The following NSUN2 variants were observed in gnomAD, a reference collection of about 807,000 sequenced individuals.
NSUN2 encodes the protein RNA cytosine C(5)-methyltransferase NSUN2.
A neutral mutation model predicts 92.7 loss-of-function variants in NSUN2; 63 were observed. The observed-to-expected ratio is 0.68, with a 90% CI of 0.56 to 0.84. The LOEUF is 0.84. NSUN2 is among the 40% of genes least tolerant of loss of function. The pLI, the probability that NSUN2 is intolerant of heterozygous loss-of-function variation, is 0.00. For synonymous variants in NSUN2, 356 were observed against 348.3 expected (o/e 1.02, Z -0.25); for missense variants, 989 against 964.9 (o/e 1.02, Z -0.33).
intron 3 of NSUN2, among the ~76,000 whole-genome samples, chr5:6,626,287 T>C (rs561245646): frequency 6.6e-6 from 1 of 152,132 alleles, no homozygotes; most frequent in Non-Finnish European, 1.5e-5. Flanking sequence ...TGTGAATATA[T>C]TTGAACTTTC....
chr5:6,601,636 G>A (rs1033626278), intron 18 of NSUN2, among the ~76,000 whole-genome samples: 9 of 151,822 alleles, frequency 5.9e-5, no homozygotes, highest in Admixed American at 3.3e-4. Context: ...GGCCCGCCCC[G>A]ACCCCCAGCT....
At chr5:6,616,176 C>T (rs1737203496) in intron 9 of NSUN2, among the ~76,000 whole-genome samples, 1 of 152,178 alleles carries the variant, frequency 6.6e-6, no homozygotes, top group Non-Finnish European at 1.5e-5. Flanking sequence ...GAATCGTAAC[C>T]AGGATCTTGG....
chr5:6,607,990 TA>T (rs1579358936), intron 12 of NSUN2, among the ~76,000 whole-genome samples: 3 of 147,304 alleles, frequency 2.0e-5, no homozygotes, highest in Admixed American at 2.0e-4. Context: ...ATGTCCTTTT[TA>T]ACATTTTAAC....
chr5:6,630,452 T>C (rs1737832099), intron 3 of NSUN2, among the ~76,000 whole-genome samples: 1 of 152,124 alleles, frequency 6.6e-6, no homozygotes, highest in African/African-American at 2.4e-5. Flanking sequence ...ATTACAGGCG[T>C]GTGCCACCAT....
rs370366934 is a variant in NSUN2, at chr5:6,632,004, CTG to C, written c.255-29_255-28del. ...TATTGAAAAATAAGGAAGTTTCAAA[CTG>C]ATCTAAAAAACTAAGTTAATACATT... On this transcript the variant is annotated intron_variant, in intron 2 of 18. Transcript: ENST00000264670. 78 of 1,550,798 alleles carry C rather than the reference CTG, an allele frequency of 5.0e-5. 1 individual carries two copies. The African/African-American group carries it at 9.6e-4, about 19-fold the overall frequency.
At chr5:6,619,542 A>G (rs972160101) in intron 7 of NSUN2, among the ~76,000 whole-genome samples, 1 of 152,204 alleles carries the variant, frequency 6.6e-6, no homozygotes, top group Non-Finnish European at 1.5e-5. Flanking sequence ...CAGTTATACC[A>G]TGAGTATTAT....
In NSUN2 at chr5:6,599,894, AGGGGTGTGG is replaced by A; in HGVS notation, c.*23_*31del. ...CCAGAAGAAGCCAGTTTTGCGTGTG[AGGGGTGTGG>A]GCCCCCGCTGCCTTGGGCCTGCTCA... On this transcript the variant is annotated 3_prime_UTR_variant, in exon 19 of 19. Coordinates refer to ENST00000264670, the MANE Select transcript of NSUN2 (RefSeq NM_017755.6). 1 of 1,595,990 alleles carries A rather than the reference AGGGGTGTGG, an allele frequency of 6.3e-7. No individual in the cohort carries two copies. Among genetic ancestry groups the A allele is most frequent in the Non-Finnish European group, 8.5e-7 (1 of 1,170,238 alleles).
At chr5:6,621,057 G>C (rs943222843) in intron 6 of NSUN2, 10 of 152,164 alleles carry the variant, frequency 6.6e-5, no homozygotes, top group African/African-American at 2.4e-4. Context: ...TAACAAATAT[G>C]CCTATTAAAA....
chr5:6,611,009 G>A lies in NSUN2; in HGVS notation c.1172C>T (p.Thr391Ile), dbSNP rs755049994. ...TTCTGGGTCCTTCGGAGGGAACATG[G>A]TAGGTCGGATCTGGGTGTGTCTGCT... ...PHSRHTQIRP[T>I]MFPPKDPEKL... Residue 391 changes from threonine (T) to isoleucine (I), a missense_variant, in exon 11 of 19, where the codon ACC (threonine) becomes ATC (isoleucine). This residue lies in a region of NSUN2 where 626 missense variants were observed against 602.3 expected (regional missense o/e 1.04). Transcript: ENST00000264670. 16 of 1,614,088 alleles carry A rather than the reference G, an allele frequency of 9.9e-6. No homozygotes were observed. Among genetic ancestry groups the A allele is most frequent in the South Asian group, 4.4e-5 (4 of 91,090 alleles).
Position 6,625,675 on chromosome 5 carries a change from C to G in NSUN2, c.360-6G>C. The G allele has an allele frequency of 6.2e-7, 1 of 1,604,706 alleles. No individual in the cohort carries two copies. Among genetic ancestry groups the G allele is most frequent in the Non-Finnish European group, 8.5e-7 (1 of 1,171,708 alleles). On this transcript the variant is annotated splice_polypyrimidine_tract_variant and splice_region_variant and intron_variant, in intron 3 of 18. Transcript: ENST00000264670. ...AGGCAAGTTCTTCAGGATACCTGAC[C>G]AAAAAGAAAGCAAAACATTTATGGA...
At chr5:6,629,380 C>T (rs1737777087) in intron 3 of NSUN2, among the ~76,000 whole-genome samples, 1 of 152,202 alleles carries the variant, frequency 6.6e-6, no homozygotes, top group Non-Finnish European at 1.5e-5. Flanking sequence ...TTATTGACAT[C>T]GTATGGTTTC....
At chr5:6,610,811 C>T in intron 11 of NSUN2, 144 bp downstream of exon 11, 3 of 897,538 alleles carry the variant, frequency 3.3e-6, no homozygotes, top group South Asian at 1.8e-5. Flanking sequence ...GAAGTTCACA[C>T]ACATGGGGTT....
At chr5:6,614,540 G>C (rs6555405) in intron 9 of NSUN2, among the ~76,000 whole-genome samples, 89,701 of 151,478 alleles carry the variant, frequency 0.59, 27,050 homozygotes, top group Non-Finnish European at 0.66. Flanking sequence ...GAGAATGATG[G>C]TTCCCCACTG....
At chr5:6,618,453 T>C (rs1295590410) in intron 7 of NSUN2, among the ~76,000 whole-genome samples, 1 of 152,216 alleles carries the variant, frequency 6.6e-6, no homozygotes, top group Non-Finnish European at 1.5e-5. Flanking sequence ...ATATATTAGC[T>C]AAATTTTTCC....
chr5:6,631,242 C>T (rs1737877664), intron 3 of NSUN2, among the ~76,000 whole-genome samples: 1 of 152,222 alleles, frequency 6.6e-6, no homozygotes, highest in Admixed American at 6.5e-5. Context: ...GTTCTCCAAG[C>T]ATCTTTACAA....
At chr5:6,630,780 A>C (rs2126511497) in intron 3 of NSUN2, among the ~76,000 whole-genome samples, 1 of 152,332 alleles carries the variant, frequency 6.6e-6, no homozygotes, top group Non-Finnish European at 1.5e-5. Context: ...GGAATAGTCA[A>C]AACCTCAAAA....
At position 6,605,352 on chromosome 5, in the gene NSUN2, G is replaced by A. The variant is rs143790518; in HGVS notation, c.1658C>T (p.Thr553Ile). 1.2e-6 allele frequency: 2 copies of A among 1,614,144 alleles called. No individual in the cohort carries two copies. Among genetic ancestry groups the A allele is most frequent in the Non-Finnish European group, 1.7e-6 (2 of 1,180,002 alleles). Residue 553 changes from threonine (T) to isoleucine (I), a missense_variant, in exon 15 of 19, where the codon ACA becomes ATA. Physicochemically the swap from Thr to Ile is moderately conservative, Grantham distance 89. This residue lies in a region of NSUN2 where 626 missense variants were observed against 602.3 expected (regional missense o/e 1.04). Coordinates refer to ENST00000264670, the MANE Select transcript of NSUN2 (RefSeq NM_017755.6). The stretch of plus-strand genomic sequence containing the variant: ...GTAGAGCTGCCTTTTCTTCCCTTCT[G>A]TAGTCCGAGTTAACAAATTCATCCT... Reference protein sequence around the residue: ...FPRMNLLTRTTEGKKRQLYMV... With the variant: ...FPRMNLLTRTIEGKKRQLYMV...
intron 9 of NSUN2, among the ~76,000 whole-genome samples, chr5:6,615,015 G>C (rs1281111458): frequency 6.6e-6 from 1 of 152,040 alleles, no homozygotes; most frequent in Non-Finnish European, 1.5e-5. Flanking sequence ...ACAGACTTAG[G>C]AGAGTAGCAA....
intron 3 of NSUN2, among the ~76,000 whole-genome samples, chr5:6,629,886 T>C (rs1737805068): frequency 6.6e-6 from 1 of 152,190 alleles, no homozygotes; most frequent in Non-Finnish European, 1.5e-5. Flanking sequence ...TGCAGAGAGA[T>C]CTTCCGCCAT....
Sources: allele counts gnomAD v4.1 joint callset (sites outside exome capture counted in the v4.1 genomes callset), GRCh38; gene constraint gnomAD v4.1.1; regional missense constraint gnomAD v4.1.1; transcripts MANE v1.5; gene names NCBI Gene and HGNC (gene_info 2026-07-23, HGNC 2026-07-21).